The following NCOA2 variants were observed in gnomAD, a reference collection of about 807,000 sequenced individuals.
NCOA2 encodes nuclear receptor coactivator 2, also known as class E basic helix-loop-helix protein 75.
Under a neutral mutation model 145.1 loss-of-function variants are expected in NCOA2, and 21 were observed. The ratio of observed to expected loss-of-function variants is 0.14; its 90% confidence interval spans 0.10 to 0.21. The LOEUF is 0.21. NCOA2 is among the 10% of genes least tolerant of loss of function. The probability of loss-of-function intolerance (pLI) is 1.00; values close to 1 mark genes in which losing one functional copy is unlikely to be tolerated. For missense variants in NCOA2, 1,472 were observed against 1,837.6 expected (o/e 0.80, Z 3.64); for synonymous variants, 619 against 637.5 (o/e 0.97, Z 0.44).
At chr8:70,289,381 AT>A (rs1264653576) in intron 2 of NCOA2, among the ~76,000 whole-genome samples, 1 of 152,216 alleles carries the variant, frequency 6.6e-6, no homozygotes, top group East Asian at 1.9e-4. Context: ...CTAGGTAAAG[AT>A]TTAAAAGTCT....
intron 8 of NCOA2, 74 bp downstream of exon 8, chr8:70,163,391 T>C: frequency 9.4e-7 from 1 of 1,062,154 alleles, no homozygotes; most frequent in Non-Finnish European, 1.4e-6. Flanking sequence ...GTCTTCTAAA[T>C]AGAGTCCTTG....
chr8:70,129,341 T>C (rs1808816737), intron 16 of NCOA2, among the ~76,000 whole-genome samples: 1 of 152,208 alleles, frequency 6.6e-6, no homozygotes, highest in Non-Finnish European at 1.5e-5. Context: ...AGTTTTTGAT[T>C]GATTATTCAT....
rs2131143875 is a variant in NCOA2, at chr8:70,113,656, AG to A, written c.4384-14del. The A allele has an allele frequency of 6.4e-7, 1 of 1,551,704 alleles. No individual in the cohort carries two copies. The highest frequency in any genetic ancestry group is 8.7e-7 in the Non-Finnish European group (1 of 1,146,882). The stretch of plus-strand genomic sequence containing the variant: ...GTCAGCAATATTTCTGTAGGAAAAC[AG>A]ATAAAAAGTTGTGAAACATCTTTGA... On this transcript the variant is annotated splice_polypyrimidine_tract_variant and intron_variant, in intron 22 of 22. Transcript: ENST00000452400.
chr8:70,364,714 C>A (rs1429284062), intron 1 of NCOA2, among the ~76,000 whole-genome samples: 1 of 149,480 alleles, frequency 6.7e-6, no homozygotes, highest in Non-Finnish European at 1.5e-5. Flanking sequence ...CTCTCTTGAC[C>A]ACTACATTAT....
chr8:70,366,744 A>T (rs199741416), intron 1 of NCOA2, among the ~76,000 whole-genome samples: 15,570 of 137,084 alleles, frequency 0.11, 1,209 homozygotes, highest in East Asian at 0.4. Flanking sequence ...ATTGGCTTTA[A>T]AAAAAAAAAA....
intron 4 of NCOA2, among the ~76,000 whole-genome samples, chr8:70,176,703 G>C (rs1814891519): frequency 6.6e-6 from 1 of 152,128 alleles, no homozygotes; most frequent in African/African-American, 2.4e-5. Context: ...CTCAAGATCT[G>C]CTCACTTTTC....
intron 1 of NCOA2, among the ~76,000 whole-genome samples, chr8:70,348,904 T>G (rs577689346): frequency 6.7e-6 from 1 of 149,690 alleles, no homozygotes; most frequent in Non-Finnish European, 1.5e-5. Flanking sequence ...GGGAGCTATG[T>G]AAATAAGAGA....
intron 2 of NCOA2, among the ~76,000 whole-genome samples, chr8:70,249,990 A>T (rs893842956): frequency 3.3e-5 from 5 of 150,796 alleles, no homozygotes; most frequent in Non-Finnish European, 7.4e-5. Context: ...GAAGAAGAAG[A>T]AGAAGAAGAA....
chr8:70,263,255 G>A (rs537830993), intron 2 of NCOA2, among the ~76,000 whole-genome samples: 1 of 149,126 alleles, frequency 6.7e-6, no homozygotes, highest in Admixed American at 6.8e-5. Flanking sequence ...GGGACAAAGG[G>A]AGGATTCCCC....
intron 2 of NCOA2, among the ~76,000 whole-genome samples, chr8:70,263,727 T>G (rs2135116937): frequency 6.7e-6 from 1 of 148,286 alleles, no homozygotes; most frequent in East Asian, 2.0e-4. Context: ...AGACTCCATC[T>G]CAAAAAAAAA....
intron 2 of NCOA2, among the ~76,000 whole-genome samples, chr8:70,276,220 G>C (rs1213535417): frequency 6.6e-6 from 1 of 151,942 alleles, no homozygotes; most frequent in African/African-American, 2.4e-5. Context: ...AAGAAATTTG[G>C]GACAGGACCC....
chr8:70,291,747 C>T (rs1330691422), intron 2 of NCOA2, among the ~76,000 whole-genome samples: 2 of 152,178 alleles, frequency 1.3e-5, no homozygotes. Flanking sequence ...CTAATGATAG[C>T]ATTTTGTTGT....
chr8:70,348,062 C>T (rs1166022952), intron 1 of NCOA2, among the ~76,000 whole-genome samples: 2 of 152,314 alleles, frequency 1.3e-5, no homozygotes, highest in South Asian at 2.1e-4. Flanking sequence ...GTTCCTACCC[C>T]CCAGGGGCTT....
chr8:70,430,702 G>A, the NCOA2 span, among the ~76,000 whole-genome samples: 31 of 152,110 alleles, frequency 2.0e-4, no homozygotes, highest in Non-Finnish European at 4.0e-4. Context: ...TGGTTGCTTC[G>A]TTTCTTAACT....
chr8:70,364,713 C>T (rs1039036774), intron 1 of NCOA2, among the ~76,000 whole-genome samples: 99 of 149,892 alleles, frequency 6.6e-4, no homozygotes, highest in African/African-American at 2.2e-3. Context: ...TCTCTCTTGA[C>T]CACTACATTA....
chr8:70,351,279 G>T (rs1196388327), intron 1 of NCOA2, among the ~76,000 whole-genome samples: 1 of 152,056 alleles, frequency 6.6e-6, no homozygotes, highest in Non-Finnish European at 1.5e-5. Flanking sequence ...AGAGTAATAG[G>T]TTATACATTT....
intron 2 of NCOA2, among the ~76,000 whole-genome samples, chr8:70,276,499 G>A (rs1406101891): frequency 6.6e-6 from 1 of 152,170 alleles, no homozygotes; most frequent in Non-Finnish European, 1.5e-5. Flanking sequence ...CAGGTGTCTA[G>A]GAGGGTCCCT....
intron 1 of NCOA2, among the ~76,000 whole-genome samples, chr8:70,363,657 A>G (rs1810418791): frequency 6.6e-6 from 1 of 152,212 alleles, no homozygotes; most frequent in African/African-American, 2.4e-5. Context: ...AAAAGACTGT[A>G]GGATTGTTAT....
At chr8:70,347,304 G>T (rs1230479873) in intron 1 of NCOA2, among the ~76,000 whole-genome samples, 1 of 152,006 alleles carries the variant, frequency 6.6e-6, no homozygotes, top group Non-Finnish European at 1.5e-5. Flanking sequence ...GGCCAACGTG[G>T]TGAAACCCTG....
Sources: gnomAD v4.1 joint callset for allele counts (sites outside exome capture counted in the v4.1 genomes callset) on GRCh38, gnomAD v4.1.1 for gene constraint, MANE v1.5 for transcripts, NCBI Gene and HGNC (gene_info 2026-07-23, HGNC 2026-07-21) for gene names.